Variants in TRIO observed in about 807,000 individuals in gnomAD.
TRIO encodes the protein triple functional domain protein.
Under a neutral mutation model 351.9 loss-of-function variants are expected in TRIO, and 58 were observed. That is an observed-to-expected ratio of 0.16 (90% CI 0.13 to 0.21). The LOEUF is 0.21. Ranked by LOEUF, TRIO falls within the 10% of genes least tolerant of loss-of-function variation. TRIO has a pLI of 1.00. For synonymous variants in TRIO, 1,758 were observed against 1,595.7 expected (o/e 1.10, Z -2.42); for missense variants, 3,201 against 4,027.8 (o/e 0.79, Z 5.56).
chr5:14,386,599 A>G (rs889443678), intron 21 of TRIO, among the ~76,000 whole-genome samples: 3 of 152,254 alleles, frequency 2.0e-5, no homozygotes, highest in Admixed American at 1.3e-4. Flanking sequence ...TGAAAACACT[A>G]TAACAAAGGA....
At chr5:14,260,357 T>A (rs2152259281) in intron 1 of TRIO, among the ~76,000 whole-genome samples, 1 of 152,362 alleles carries the variant, frequency 6.6e-6, no homozygotes. Context: ...AGGCTACGGT[T>A]AGTGTAATGT....
At chr5:14,454,462 GTTAC>G (rs1340944800) in intron 34 of TRIO, among the ~76,000 whole-genome samples, 1 of 152,192 alleles carries the variant, frequency 6.6e-6, no homozygotes, top group African/African-American at 2.4e-5. Flanking sequence ...AAAATTAGAT[GTTAC>G]TTGTGTTCAC....
intron 46 of TRIO, among the ~76,000 whole-genome samples, chr5:14,484,407 C>T (rs1033547924): frequency 6.6e-6 from 1 of 152,144 alleles, no homozygotes; most frequent in African/African-American, 2.4e-5. Context: ...GTTAATTGTT[C>T]AGGCTGTTAG....
At chr5:14,271,509 A>G (rs558921261) in intron 2 of TRIO, among the ~76,000 whole-genome samples, 70 of 152,302 alleles carry the variant, frequency 4.6e-4, no homozygotes, top group African/African-American at 1.6e-3. Flanking sequence ...GGGGGCACCT[A>G]ACTGCCCTCT....
At chr5:14,194,952 T>C (rs1790685505) in intron 1 of TRIO, among the ~76,000 whole-genome samples, 1 of 152,236 alleles carries the variant, frequency 6.6e-6, no homozygotes, top group African/African-American at 2.4e-5. Context: ...ACTTTTTTTT[T>C]CTGAAACATT....
At chr5:14,262,532 ATTTG>A (rs1262316943) in intron 1 of TRIO, among the ~76,000 whole-genome samples, 1 of 152,168 alleles carries the variant, frequency 6.6e-6, no homozygotes. Flanking sequence ...ATGATGAGAT[ATTTG>A]TTTGAGAAAC....
intron 34 of TRIO, among the ~76,000 whole-genome samples, chr5:14,448,640 T>C (rs1449595139): frequency 6.6e-6 from 1 of 152,178 alleles, no homozygotes; most frequent in African/African-American, 2.4e-5. Context: ...CCCCAGCCAG[T>C]ACTAAAGAGC....
At chr5:14,308,510 C>T (rs940707301) in intron 8 of TRIO, among the ~76,000 whole-genome samples, 1 of 151,454 alleles carries the variant, frequency 6.6e-6, no homozygotes, top group Non-Finnish European at 1.5e-5. Flanking sequence ...CATCCATCCA[C>T]CCTCCCAACC....
At chr5:14,219,578 C>T (rs1792459387) in intron 1 of TRIO, among the ~76,000 whole-genome samples, 1 of 152,164 alleles carries the variant, frequency 6.6e-6, no homozygotes. Flanking sequence ...GTGTCTTTAC[C>T]ACCAATCCCG....
At chr5:14,377,090 C>G (rs30768) in intron 19 of TRIO, among the ~76,000 whole-genome samples, 36,514 of 151,176 alleles carry the variant, frequency 0.24, 4,796 homozygotes, top group Middle Eastern at 0.38. Flanking sequence ...AATTTTTTGT[C>G]TGTGCACCAG....
At chr5:14,347,295 C>G (rs950105284) in intron 11 of TRIO, among the ~76,000 whole-genome samples, 3 of 71,016 alleles carry the variant, frequency 4.2e-5, no homozygotes, top group South Asian at 5.5e-4. Context: ...TCAGGCGGAC[C>G]TGAGGTCCTG....
chr5:14,378,212 G>T lies in TRIO; in HGVS notation c.3447+85G>T, dbSNP rs968248150. ...CAGAGAGGCTGAGCTTGACATTTCC[G>T]CCATCTTGAAAACCACTTTCTAATG... On this transcript the variant is annotated intron_variant, in intron 20 of 56. Transcript: ENST00000344204. 2.8e-6 allele frequency: 3 copies of T among 1,069,730 alleles called. No homozygotes were observed. The African/African-American group carries it at 4.7e-5, about 17-fold the overall frequency. 66.3% of individuals were successfully genotyped at this position (1,069,730 alleles called of 1,614,324 possible).
At chr5:14,191,228 G>A (rs923809876) in intron 1 of TRIO, among the ~76,000 whole-genome samples, 3 of 152,132 alleles carry the variant, frequency 2.0e-5, no homozygotes, top group Non-Finnish European at 2.9e-5. Context: ...GTTGGAGTAC[G>A]TATATATAAA....
chr5:14,346,141 T>G (rs1579383873), intron 11 of TRIO, among the ~76,000 whole-genome samples: 1 of 152,196 alleles, frequency 6.6e-6, no homozygotes, highest in African/African-American at 2.4e-5. Flanking sequence ...GCTTTTTGGG[T>G]TTTGTTATCA....
At chr5:14,391,027 A>G in intron 27 of TRIO, 37 bp downstream of exon 27, 1 of 1,523,196 alleles carries the variant, frequency 6.6e-7, no homozygotes, top group Non-Finnish European at 8.9e-7. Flanking sequence ...ATAATTTTCC[A>G]AGTTGTGTAC....
chr5:14,325,149 G>A (rs1740252977), intron 9 of TRIO, among the ~76,000 whole-genome samples: 1 of 152,224 alleles, frequency 6.6e-6, no homozygotes, highest in African/African-American at 2.4e-5. Context: ...ATTTCAAAGG[G>A]AAAATATCAT....
At chr5:14,186,797 C>G (rs557064029) in intron 1 of TRIO, among the ~76,000 whole-genome samples, 6 of 152,118 alleles carry the variant, frequency 3.9e-5, no homozygotes, top group African/African-American at 9.6e-5. Context: ...AGGCTGGTCT[C>G]GTACTCCTGA....
intron 1 of TRIO, among the ~76,000 whole-genome samples, chr5:14,146,669 G>A (rs535962279): frequency 6.6e-6 from 1 of 152,362 alleles, no homozygotes; most frequent in South Asian, 2.1e-4. Flanking sequence ...GTTTGGAGTT[G>A]GGCTCAGGGG....
At chr5:14,226,143 A>G (rs187542985) in intron 1 of TRIO, among the ~76,000 whole-genome samples, 47 of 152,228 alleles carry the variant, frequency 3.1e-4, no homozygotes, top group Middle Eastern at 6.8e-3. Flanking sequence ...GAGCATACAC[A>G]GTGCAGATGA....
Sources: allele counts gnomAD v4.1 joint callset (sites outside exome capture counted in the v4.1 genomes callset), GRCh38; gene constraint gnomAD v4.1.1; transcripts MANE v1.5; gene names NCBI Gene and HGNC (gene_info 2026-07-23, HGNC 2026-07-21).